TNS3: variants seen among roughly 807,000 people sequenced by gnomAD.
TNS3 encodes the protein tensin-3.
TNS3 carries 45 observed loss-of-function variants against 140.9 expected under a neutral mutation model. The observed-to-expected ratio is 0.32, with a 90% CI of 0.25 to 0.41. TNS3 has a LOEUF of 0.41. TNS3 is among the 10% of genes least tolerant of loss of function. The pLI is 1.00. For missense variants in TNS3, 1,716 were observed against 1,906.7 expected (o/e 0.90, Z 1.86); for synonymous variants, 815 against 788.4 (o/e 1.03, Z -0.56).
intron 2 of TNS3, among the ~76,000 whole-genome samples, chr7:47,524,019 G>A (rs953415300): frequency 6.6e-6 from 1 of 152,220 alleles, no homozygotes; most frequent in Non-Finnish European, 1.5e-5. Context: ...AAAGGTGAAC[G>A]CAACTCACCA....
Position 47,303,877 on chromosome 7 carries a change from C to A in TNS3, c.2823-293G>T, listed in dbSNP as rs533574712. Among the ~76,000 whole-genome samples, 3 of 152,326 alleles carry A rather than the reference C, an allele frequency of 2.0e-5. No individual in the cohort carries two copies. In the South Asian group the frequency reaches 6.2e-4, roughly 32 times the overall value. On this transcript the variant is annotated intron_variant, in intron 21 of 30. Coordinates refer to ENST00000311160, the MANE Select transcript of TNS3 (RefSeq NM_022748.12). ...GCAGATGCTGCTCCCTCGGCCCCTGCGCCTTCCCTCCTGCATCTTCACCGG... is the reference window on the plus strand; with the variant it reads ...GCAGATGCTGCTCCCTCGGCCCCTGAGCCTTCCCTCCTGCATCTTCACCGG...
intron 1 of TNS3, among the ~76,000 whole-genome samples, chr7:47,562,981 C>T (rs1173010857): frequency 2.0e-5 from 3 of 152,204 alleles, no homozygotes; most frequent in African/African-American, 4.8e-5. Flanking sequence ...AGCCAAGACA[C>T]AGCCCCACCC....
intron 16 of TNS3, 137 bp downstream of exon 16, chr7:47,396,663 G>C (rs1303329554): frequency 2.8e-6 from 2 of 721,980 alleles, no homozygotes; most frequent in Non-Finnish European, 4.9e-6. Flanking sequence ...GTCACACGAA[G>C]GTGTGATTCT....
At chr7:47,322,991 GT>G (rs1787834470) in intron 20 of TNS3, among the ~76,000 whole-genome samples, 1 of 152,132 alleles carries the variant, frequency 6.6e-6, no homozygotes, top group African/African-American at 2.4e-5. Flanking sequence ...GCAGGGAGGG[GT>G]CCCCTGCTGA....
intron 4 of TNS3, among the ~76,000 whole-genome samples, chr7:47,445,774 A>G (rs1795698770): frequency 6.6e-6 from 1 of 152,214 alleles, no homozygotes; most frequent in Non-Finnish European, 1.5e-5. Context: ...CTAAAATGAG[A>G]ACCAGGCCCC....
chr7:47,424,444 T>C (rs1373554576), intron 9 of TNS3, among the ~76,000 whole-genome samples: 1 of 152,190 alleles, frequency 6.6e-6, no homozygotes, highest in African/African-American at 2.4e-5. Context: ...TATCTAAAGA[T>C]ATTATTCTTA....
At chr7:47,419,205 A>C (rs1794242754) in intron 10 of TNS3, among the ~76,000 whole-genome samples, 1 of 152,186 alleles carries the variant, frequency 6.6e-6, no homozygotes, top group Non-Finnish European at 1.5e-5. Flanking sequence ...TGCTCTCCTG[A>C]GGTATGCTGC....
At chr7:47,577,185 A>C (rs1800694955) in intron 1 of TNS3, among the ~76,000 whole-genome samples, 1 of 152,178 alleles carries the variant, frequency 6.6e-6, no homozygotes, top group Non-Finnish European at 1.5e-5. Flanking sequence ...ACCCGTATTC[A>C]TCCTTCCTGG....
intron 13 of TNS3, among the ~76,000 whole-genome samples, chr7:47,410,184 C>G (rs1793688486): frequency 6.6e-6 from 1 of 152,178 alleles, no homozygotes; most frequent in South Asian, 2.1e-4. Flanking sequence ...TTTCTCTCCC[C>G]TCCTGGTCCT....
In TNS3 at chr7:47,292,003, G is replaced by C; in HGVS notation, c.3880C>G (p.Pro1294Ala). Residue 1294 changes from proline to alanine, a missense_variant, in exon 27 of 31, where the codon CCC (proline) becomes GCC (alanine). By Grantham distance (27) the Pro-to-Ala change is conservative. Transcript: ENST00000311160. The part of the protein sequence containing the change: ...DPLEEIAESS[P>A]QTAANSAAEL... ...GCTGCTGAATTGGCTGCCGTCTGGG[G>C]AGAACTTTCTGCTATTTCCTCCAAT... The C allele has an allele frequency of 6.2e-7, 1 of 1,614,158 alleles. No homozygotes were observed. Among genetic ancestry groups the C allele is most frequent in the Middle Eastern group, 1.6e-4 (1 of 6,062 alleles).
chr7:47,490,407 T>C (rs190469000), intron 3 of TNS3, among the ~76,000 whole-genome samples: 18 of 152,380 alleles, frequency 1.2e-4, no homozygotes, highest in Admixed American at 8.5e-4. Flanking sequence ...AGGTTGTGTT[T>C]TCAAAGACGG....
chr7:47,501,186 AAGGGAGGGAGGGAGGGAGGG>A (rs113002696), intron 3 of TNS3, among the ~76,000 whole-genome samples: 867 of 54,870 alleles, frequency 0.016, 8 homozygotes, highest in Non-Finnish European at 0.031. Flanking sequence ...GGAAGGAAGG[AAGGGAGGGAGGGAGGGAGGG>A]AGGGAGGGAG....
rs1562692472 is a variant in TNS3 at position 47,400,889 on chromosome 7, CG to C, written c.748del (p.Arg250AlafsTer47). On this transcript the variant is annotated frameshift_variant, in exon 14 of 31. Coordinates refer to ENST00000311160, the MANE Select transcript of TNS3 (RefSeq NM_022748.12). LOFTEE classifies it high-confidence loss of function. The stretch of plus-strand genomic sequence containing the variant: ...GAAAATGACGTCACGGGTGGCCGAG[CG>C]GTATTTCTTGTGGTAGCATTTCACC... ...VMVKCYHKKY[R>X]SATRDVIFRL... is the part of the protein sequence containing the mutation. 3 of 1,614,068 alleles carry C rather than the reference CG, an allele frequency of 1.9e-6. No individual in the cohort carries two copies. The highest frequency in any genetic ancestry group is 2.5e-6 in the Non-Finnish European group (3 of 1,180,026).
intron 17 of TNS3, among the ~76,000 whole-genome samples, chr7:47,351,767 G>A (rs1483970787): frequency 7.9e-5 from 12 of 152,162 alleles, no homozygotes; most frequent in African/African-American, 2.4e-5. Context: ...GTGCAACAGC[G>A]AGCAGGAACT....
intron 20 of TNS3, among the ~76,000 whole-genome samples, chr7:47,324,962 T>A (rs561853721): frequency 7.6e-4 from 116 of 152,144 alleles, no homozygotes; most frequent in African/African-American, 2.6e-3. Flanking sequence ...CAAAGGAAAC[T>A]GGGACTTTTC....
At chr7:47,516,282 G>A (rs780760354) in intron 2 of TNS3, among the ~76,000 whole-genome samples, 1 of 152,132 alleles carries the variant, frequency 6.6e-6, no homozygotes, top group Non-Finnish European at 1.5e-5. Flanking sequence ...ACAGAAATAG[G>A]GTGCAACTGT....
chr7:47,388,175 G>A (rs1422433598), intron 16 of TNS3, among the ~76,000 whole-genome samples: 1 of 152,154 alleles, frequency 6.6e-6, no homozygotes, highest in Non-Finnish European at 1.5e-5. Context: ...CTTAGAAAGG[G>A]GTGGCAGCAA....
chr7:47,444,573 G>A (rs62446324), intron 4 of TNS3, among the ~76,000 whole-genome samples: 5 of 152,176 alleles, frequency 3.3e-5, no homozygotes, highest in Admixed American at 6.5e-5. Context: ...ACGGCAGGAG[G>A]GAAGGAGGGA....
intron 13 of TNS3, among the ~76,000 whole-genome samples, chr7:47,409,556 G>A (rs1793645374): frequency 1.3e-5 from 2 of 152,182 alleles, no homozygotes; most frequent in South Asian, 4.1e-4. Context: ...GGGAGCACCC[G>A]CCCTTGAGAT....
Sources: gnomAD v4.1 joint callset for allele counts (sites outside exome capture counted in the v4.1 genomes callset) on GRCh38, gnomAD v4.1.1 for gene constraint, MANE v1.5 for transcripts, NCBI Gene and HGNC (gene_info 2026-07-23, HGNC 2026-07-21) for gene names.